DLGAP2: variants seen among roughly 807,000 people sequenced by gnomAD.
DLGAP2 encodes the protein disks large-associated protein 2.
Under a neutral mutation model 100.3 loss-of-function variants are expected in DLGAP2, and 26 were observed. That is an observed-to-expected ratio of 0.26 (90% CI 0.19 to 0.36). DLGAP2 has a LOEUF of 0.36. Among genes scored for constraint, DLGAP2 ranks in the 10% least tolerant of loss-of-function variants. The probability of loss-of-function intolerance (pLI) is 1.00; values close to 1 mark genes in which losing one functional copy is unlikely to be tolerated. For synonymous variants in DLGAP2, 886 were observed against 630.1 expected (o/e 1.41, Z -6.08); for missense variants, 1,858 against 1,453.2 (o/e 1.28, Z -4.53).
chr8:1,295,902 A>G (rs1165190004), intron 3 of DLGAP2: 1 of 152,214 alleles, frequency 6.6e-6, no homozygotes, highest in Non-Finnish European at 1.5e-5. Context: ...GCCTTAATTA[A>G]TGAAGCGTCA....
At chr8:904,533 C>T (rs542475680) in intron 1 of DLGAP2, among the ~76,000 whole-genome samples, 22 of 152,296 alleles carry the variant, frequency 1.4e-4, no homozygotes, top group African/African-American at 5.3e-4. Context: ...AATTACATGG[C>T]TGCATGTGAC....
rs371302205 is a variant in DLGAP2 at position 1,169,501 on chromosome 8, T to G, written c.74-89350T>G. ...ATGGCCATTTTCATGATATTGATTC[T>G]TCCTATCCATGAGCATGGAATGTTC... is the stretch of plus-strand genomic sequence containing the variant. On this transcript the variant is annotated intron_variant, in intron 2 of 14. Coordinates refer to ENST00000637795, the MANE Select transcript of DLGAP2 (RefSeq NM_001346810.2). Among the ~76,000 whole-genome samples the G allele has an allele frequency of 4.6e-5, 7 of 152,212 alleles. No homozygotes were observed. In the East Asian group the frequency reaches 5.8e-4, roughly 13 times the overall value.
rs1191174660 is a variant in DLGAP2 at position 1,134,321 on chromosome 8, C to T, written c.74-124530C>T. Among the ~76,000 whole-genome samples, 6 of 152,214 alleles carry T rather than the reference C, an allele frequency of 3.9e-5. No homozygotes were observed. In the East Asian group the frequency reaches 9.7e-4, roughly 25 times the overall value. On this transcript the variant is annotated intron_variant, in intron 2 of 14. Transcript: ENST00000637795. Reference sequence around the variant, plus strand: ...ACGTGCATGTGTCTTAGTGGTAGAACGATGTATATTCCTTTGGGTTTATAC... The same window carrying T: ...ACGTGCATGTGTCTTAGTGGTAGAATGATGTATATTCCTTTGGGTTTATAC...
At chr8:1,430,027 T>TATATATATATACACAC (rs1282725274) in intron 3 of DLGAP2, among the ~76,000 whole-genome samples, 2 of 76,888 alleles carry the variant, frequency 2.6e-5, no homozygotes, top group African/African-American at 9.9e-5. Flanking sequence ...TATATATATA[T>TATATATATATACACAC]ACACACACAC....
intron 2 of DLGAP2, among the ~76,000 whole-genome samples, chr8:962,947 G>A (rs1363879838): frequency 6.6e-6 from 1 of 152,214 alleles, no homozygotes; most frequent in Non-Finnish European, 1.5e-5. Context: ...CCATTCCCAT[G>A]GTCAGGAGGC....
In DLGAP2 at chr8:783,770, C is replaced by T. The variant is rs145362343; in HGVS notation, c.18+45945C>T. 3.4e-3 allele frequency among the ~76,000 whole-genome samples: 520 copies of T among 152,256 alleles called. 3 individuals carry two copies. Among genetic ancestry groups the T allele is most frequent in the African/African-American group, 0.012 (490 of 41,548 alleles). On this transcript the variant is annotated intron_variant, in intron 1 of 14. Coordinates refer to ENST00000637795, the MANE Select transcript of DLGAP2 (RefSeq NM_001346810.2). ...CCCTCCCACCACATCCGGAATCTTG[C>T]AGGGAGTGTTGCCCTTGGGTGTCAG...
intron 3 of DLGAP2, among the ~76,000 whole-genome samples, chr8:1,363,188 GC>G (rs1228041274): frequency 1.8e-4 from 27 of 152,382 alleles, no homozygotes; most frequent in African/African-American, 6.5e-4. Context: ...GCGGGCACCA[GC>G]CTTCCTTTCT....
At chr8:837,660 GTGTA>G (rs1185833300) in intron 1 of DLGAP2, among the ~76,000 whole-genome samples, 1 of 123,024 alleles carries the variant, frequency 8.1e-6, no homozygotes, top group Non-Finnish European at 1.9e-5. Context: ...ATTTGTTTGT[GTGTA>G]TGTGTGTGTG....
At chr8:1,099,412 A>G (rs1472578349) in intron 2 of DLGAP2, among the ~76,000 whole-genome samples, 1 of 152,172 alleles carries the variant, frequency 6.6e-6, no homozygotes, top group African/African-American at 2.4e-5. Context: ...TCATTCAACA[A>G]ATTACCGAGT....
intron 2 of DLGAP2, among the ~76,000 whole-genome samples, chr8:1,076,168 G>A (rs1563178919): frequency 6.6e-6 from 1 of 152,214 alleles, no homozygotes. Context: ...AAGCTTGCCT[G>A]TCCCATGAAG....
At chr8:1,626,925 C>G (rs80120802) in intron 7 of DLGAP2, 38 bp downstream of exon 7, 2 of 1,557,454 alleles carry the variant, frequency 1.3e-6, no homozygotes, top group Admixed American at 1.9e-5. Context: ...GGGGTCCAGT[C>G]TCCCCAGCCA....
At chr8:1,589,865 C>A (rs1475758666) in intron 6 of DLGAP2, among the ~76,000 whole-genome samples, 2 of 152,166 alleles carry the variant, frequency 1.3e-5, no homozygotes, top group Non-Finnish European at 2.9e-5. Context: ...TCACTTCTGA[C>A]CCCGCAACAC....
chr8:1,194,940 G>T (rs1187087644), intron 2 of DLGAP2, among the ~76,000 whole-genome samples: 1 of 152,178 alleles, frequency 6.6e-6, no homozygotes, highest in Non-Finnish European at 1.5e-5. Flanking sequence ...AACTACCAAC[G>T]GACAGTCAGG....
chr8:1,160,429 G>T (rs1247121607), intron 2 of DLGAP2, among the ~76,000 whole-genome samples: 1 of 152,194 alleles, frequency 6.6e-6, no homozygotes, highest in Admixed American at 6.5e-5. Context: ...GAGTGTGCAC[G>T]TGTGCATAAT....
intron 1 of DLGAP2, among the ~76,000 whole-genome samples, chr8:865,600 C>T (rs181728082): frequency 6.6e-6 from 1 of 152,328 alleles, no homozygotes; most frequent in Non-Finnish European, 1.5e-5. Flanking sequence ...CACCTCTCTC[C>T]AGCATATGCA....
intron 3 of DLGAP2, among the ~76,000 whole-genome samples, chr8:1,497,904 G>T (rs73672742): frequency 0.022 from 3,277 of 152,308 alleles, 104 homozygotes; most frequent in African/African-American, 0.074. Flanking sequence ...CTGAGCCAAA[G>T]ATGAATGACC....
chr8:1,433,101 C>A lies in DLGAP2; in HGVS notation c.107-68265C>A, dbSNP rs117276927. Among the ~76,000 whole-genome samples the A allele has an allele frequency of 5.8e-3, 878 of 152,286 alleles. 3 individuals are homozygous for A. Among genetic ancestry groups the A allele is most frequent in the Non-Finnish European group, 0.01 (690 of 68,010 alleles). On this transcript the variant is annotated intron_variant, in intron 3 of 14. Coordinates refer to ENST00000637795, the MANE Select transcript of DLGAP2 (RefSeq NM_001346810.2). ...TTTGGGACTCCCTTGCCGAGCCACA[C>A]GTCCCCAGTGTGTGGGTGGGAGTCA...
intron 2 of DLGAP2, among the ~76,000 whole-genome samples, chr8:1,031,694 A>C (rs1385399502): frequency 6.6e-6 from 1 of 152,208 alleles, no homozygotes; most frequent in Admixed American, 6.5e-5. Flanking sequence ...ATCACTTTCA[A>C]TGGAAAAAAA....
intron 3 of DLGAP2, among the ~76,000 whole-genome samples, chr8:1,434,785 T>A (rs1218751930): frequency 6.6e-6 from 1 of 152,154 alleles, no homozygotes; most frequent in African/African-American, 2.4e-5. Flanking sequence ...GTCATTGGCA[T>A]TTTGAGAAAC....
Sources: gnomAD v4.1 joint callset for allele counts (sites outside exome capture counted in the v4.1 genomes callset) on GRCh38, gnomAD v4.1.1 for gene constraint, MANE v1.5 for transcripts, NCBI Gene and HGNC (gene_info 2026-07-23, HGNC 2026-07-21) for gene names.